The following SUGCT variants were observed in gnomAD, a reference collection of about 807,000 sequenced individuals.
The protein encoded by SUGCT is succinyl-CoA:glutarate CoA-transferase.
SUGCT carries 41 observed loss-of-function variants against 55.0 expected under a neutral mutation model. That is an observed-to-expected ratio of 0.74 (90% CI 0.58 to 0.97). The LOEUF (loss-of-function observed/expected upper bound fraction) is 0.97, where lower values mean the gene tolerates loss of function less well. Among genes scored for constraint, SUGCT ranks in the 50% least tolerant of loss-of-function variants. The pLI, the probability that SUGCT is intolerant of heterozygous loss-of-function variation, is 0.00. For missense variants in SUGCT, 568 were observed against 547.8 expected (o/e 1.04, Z -0.37); for synonymous variants, 187 against 200.4 (o/e 0.93, Z 0.56).
At chr7:40,567,127 A>G (rs533640962) in intron 12 of SUGCT, among the ~76,000 whole-genome samples, 2 of 152,358 alleles carry the variant, frequency 1.3e-5, no homozygotes, top group East Asian at 3.9e-4. Context: ...GATCTGGCGT[A>G]ATATATACAT....
chr7:40,713,658 A>G (rs890425020), intron 12 of SUGCT, among the ~76,000 whole-genome samples: 9 of 152,216 alleles, frequency 5.9e-5, no homozygotes, highest in Non-Finnish European at 8.8e-5. Flanking sequence ...ACAGAGGTGG[A>G]TGTAATTCCA....
chr7:40,846,955 G>C (rs1793585727), intron 13 of SUGCT, among the ~76,000 whole-genome samples: 1 of 152,062 alleles, frequency 6.6e-6, no homozygotes, highest in Non-Finnish European at 1.5e-5. Flanking sequence ...TATATAGAAA[G>C]CATTATGCCA....
chr7:40,321,405 CAG>C (rs1223032939), intron 9 of SUGCT, among the ~76,000 whole-genome samples: 1 of 141,240 alleles, frequency 7.1e-6, no homozygotes, highest in African/African-American at 2.6e-5. Context: ...TTTATTTTGA[CAG>C]AGTCTTGCTC....
chr7:41,033,501 AGAATGGTGTCTTGAAATTT>A, the SUGCT span, among the ~76,000 whole-genome samples: 3 of 152,290 alleles, frequency 2.0e-5, no homozygotes, highest in East Asian at 3.9e-4. Context: ...ACCAACTCTT[AGAATGGTGTCTTGAAATTT>A]CCAAGTCTTT....
chr7:40,883,093 A>G, the SUGCT span, among the ~76,000 whole-genome samples: 1 of 152,214 alleles, frequency 6.6e-6, no homozygotes, highest in African/African-American at 2.4e-5. Flanking sequence ...AACCAAGGCA[A>G]TGAGAACTTG....
intron 12 of SUGCT, among the ~76,000 whole-genome samples, chr7:40,646,541 G>A (rs1800520767): frequency 6.6e-6 from 1 of 152,072 alleles, no homozygotes; most frequent in Non-Finnish European, 1.5e-5. Flanking sequence ...CCACTCACTG[G>A]CTTCATTTCT....
chr7:40,847,034 T>C (rs577044588), intron 13 of SUGCT, among the ~76,000 whole-genome samples: 6 of 152,332 alleles, frequency 3.9e-5, no homozygotes, highest in Admixed American at 2.6e-4. Flanking sequence ...CAAAATTGGC[T>C]ACACACAAAA....
At chr7:40,978,818 A>G in the SUGCT span, among the ~76,000 whole-genome samples, 2 of 152,326 alleles carry the variant, frequency 1.3e-5, no homozygotes, top group African/African-American at 4.8e-5. Flanking sequence ...GGGAGGCACG[A>G]GTAAGGTCTT....
chr7:40,547,276 G>T (rs1312708803), intron 12 of SUGCT, among the ~76,000 whole-genome samples: 1 of 152,122 alleles, frequency 6.6e-6, no homozygotes, highest in Non-Finnish European at 1.5e-5. Context: ...GAGAGCTACT[G>T]TACTTAGTTT....
intron 13 of SUGCT, among the ~76,000 whole-genome samples, chr7:40,766,035 T>C (rs1290251762): frequency 1.3e-5 from 2 of 152,202 alleles, no homozygotes; most frequent in Non-Finnish European, 2.9e-5. Flanking sequence ...TTTATTTCGG[T>C]GCTCTCCTAT....
chr7:40,589,730 G>A (rs561369586), intron 12 of SUGCT, among the ~76,000 whole-genome samples: 9 of 152,274 alleles, frequency 5.9e-5, no homozygotes, highest in South Asian at 4.1e-4. Flanking sequence ...TTATAGTAAT[G>A]TTAATATCTC....
chr7:40,537,658 G>A (rs537852736), intron 12 of SUGCT, among the ~76,000 whole-genome samples: 9 of 152,310 alleles, frequency 5.9e-5, no homozygotes, highest in Admixed American at 5.2e-4. Flanking sequence ...ACATTCAAAT[G>A]TACTGGACTG....
chr7:40,588,069 A>G (rs567762778), intron 12 of SUGCT, among the ~76,000 whole-genome samples: 40 of 151,776 alleles, frequency 2.6e-4, no homozygotes, highest in Non-Finnish European at 4.3e-4. Context: ...TGCCCGGCTA[A>G]TTTTTGTATT....
chr7:40,289,514 A>G (rs1283209183), intron 8 of SUGCT, among the ~76,000 whole-genome samples: 4 of 152,184 alleles, frequency 2.6e-5, no homozygotes, highest in African/African-American at 9.6e-5. Flanking sequence ...TCAAAATAAT[A>G]AGAGCTATCT....
intron 1 of SUGCT, among the ~76,000 whole-genome samples, chr7:40,162,848 C>T (rs1023684300): frequency 2.0e-5 from 3 of 152,172 alleles, no homozygotes; most frequent in Non-Finnish European, 2.9e-5. Context: ...GTGAAACAGT[C>T]TACCCTGAAA....
intron 12 of SUGCT, among the ~76,000 whole-genome samples, chr7:40,666,900 T>C (rs563032662): frequency 6.6e-6 from 1 of 152,088 alleles, no homozygotes; most frequent in Admixed American, 6.5e-5. Context: ...AGGCTGAGCA[T>C]GAGGATTGCT....
intron 8 of SUGCT, among the ~76,000 whole-genome samples, chr7:40,308,091 C>A (rs1233563983): frequency 6.6e-6 from 1 of 152,122 alleles, no homozygotes; most frequent in Non-Finnish European, 1.5e-5. Flanking sequence ...ATTTAGTTAA[C>A]AGTGTGTTTT....
chr7:40,893,449 A>G, the SUGCT span, among the ~76,000 whole-genome samples: 1 of 152,318 alleles, frequency 6.6e-6, no homozygotes, highest in East Asian at 1.9e-4. Context: ...CCATGAAACA[A>G]GTCTTAACAA....
At chr7:40,141,495 G>A (rs1414080589) in intron 1 of SUGCT, among the ~76,000 whole-genome samples, 5 of 151,992 alleles carry the variant, frequency 3.3e-5, no homozygotes, top group African/African-American at 7.2e-5. Flanking sequence ...ATAGTCAGGC[G>A]TGGTGGTGGG....
Sources: allele counts gnomAD v4.1 joint callset (sites outside exome capture counted in the v4.1 genomes callset), GRCh38; gene constraint gnomAD v4.1.1; transcripts MANE v1.5; gene names NCBI Gene and HGNC (gene_info 2026-07-23, HGNC 2026-07-21).